Variants in CCDC192 observed in about 807,000 individuals in gnomAD.
The protein encoded by CCDC192 is coiled-coil domain containing 192, also known as coiled-coil domain-containing protein 192.
At chr5:127,786,647 A>G (rs1756556789) in intron 3 of CCDC192, 1 of 761,050 alleles carries the variant, frequency 1.3e-6, no homozygotes, top group Non-Finnish European at 2.5e-6. Context: ...CACAAATTCC[A>G]TTCAGCACTT....
At chr5:127,879,916 A>G (rs953349057) in intron 6 of CCDC192, among the ~76,000 whole-genome samples, 20 of 150,958 alleles carry the variant, frequency 1.3e-4, no homozygotes, top group African/African-American at 4.1e-4. Context: ...TAGAATGGCT[A>G]TCATTAAAAA....
chr5:127,794,388 A>G (rs1275721139), intron 3 of CCDC192, among the ~76,000 whole-genome samples: 1 of 152,172 alleles, frequency 6.6e-6, no homozygotes, highest in Non-Finnish European at 1.5e-5. Context: ...CAACTTCTTT[A>G]TCTGCAAAAT....
chr5:127,908,835 C>A (rs1043473350), intron 6 of CCDC192, among the ~76,000 whole-genome samples: 1 of 152,026 alleles, frequency 6.6e-6, no homozygotes, highest in Non-Finnish European at 1.5e-5. Flanking sequence ...TTTTTAAGCT[C>A]TATAGGGAAA....
intron 6 of CCDC192, among the ~76,000 whole-genome samples, chr5:127,896,444 T>C (rs1447404726): frequency 6.6e-6 from 1 of 151,974 alleles, no homozygotes; most frequent in East Asian, 1.9e-4. Flanking sequence ...CTTTTTTTTT[T>C]TTTCTTGAGA....
At chr5:127,796,531 A>G (rs748553247) in intron 3 of CCDC192, among the ~76,000 whole-genome samples, 1 of 152,194 alleles carries the variant, frequency 6.6e-6, no homozygotes, top group Non-Finnish European at 1.5e-5. Context: ...GAATCAACAA[A>G]CAGTCAAACA....
intron 3 of CCDC192, among the ~76,000 whole-genome samples, chr5:127,794,947 A>G (rs1398770749): frequency 2.0e-5 from 3 of 152,310 alleles, no homozygotes; most frequent in Middle Eastern, 3.4e-3. Context: ...AATTCAGGGT[A>G]TGCAGCTCAT....
intron 3 of CCDC192, among the ~76,000 whole-genome samples, chr5:127,789,924 A>G (rs1362702772): frequency 2.0e-5 from 3 of 152,222 alleles, no homozygotes; most frequent in African/African-American, 4.8e-5. Context: ...TTTGAAACCA[A>G]GATCCTCGTG....
intron 2 of CCDC192, among the ~76,000 whole-genome samples, chr5:127,716,709 A>C (rs1422210234): frequency 6.6e-6 from 1 of 152,154 alleles, no homozygotes; most frequent in Admixed American, 6.5e-5. Context: ...AATTTACCAC[A>C]ATTACCTGCC....
chr5:127,827,129 G>A (rs1366625219), intron 5 of CCDC192, among the ~76,000 whole-genome samples: 1 of 152,196 alleles, frequency 6.6e-6, no homozygotes, highest in African/African-American at 2.4e-5. Flanking sequence ...TGGTGGAAGT[G>A]AGACATTTGT....
At chr5:127,834,041 C>T (rs58888431) in intron 5 of CCDC192, among the ~76,000 whole-genome samples, 2,904 of 152,160 alleles carry the variant, frequency 0.019, 72 homozygotes, top group African/African-American at 0.067. Context: ...ACAAAAAAGC[C>T]TCTCTTCCCT....
chr5:127,783,967 G>C (rs1756391496), intron 3 of CCDC192, among the ~76,000 whole-genome samples: 1 of 151,850 alleles, frequency 6.6e-6, no homozygotes, highest in Admixed American at 6.6e-5. Flanking sequence ...GCTCATTTTT[G>C]GTGTCCATTC....
chr5:127,758,175 G>A (rs573555870), intron 3 of CCDC192, among the ~76,000 whole-genome samples: 9 of 152,276 alleles, frequency 5.9e-5, no homozygotes, highest in African/African-American at 2.2e-4. Context: ...AGAATGGAAA[G>A]TATAGGTGCC....
At chr5:127,888,390 T>A (rs948868733) in intron 6 of CCDC192, among the ~76,000 whole-genome samples, 7 of 152,036 alleles carry the variant, frequency 4.6e-5, no homozygotes, top group African/African-American at 1.4e-4. Flanking sequence ...CACTCCAGCC[T>A]TGACAACAAA....
In CCDC192 at chr5:127,928,806, C is replaced by A. The variant is rs1753936206; in HGVS notation, c.536-12376C>A. 1.3e-5 allele frequency among the ~76,000 whole-genome samples: 2 copies of A among 151,828 alleles called. 1 individual carries two copies. Among genetic ancestry groups the A allele is most frequent in the Admixed American group, 1.3e-4 (2 of 15,242 alleles). ...TTTAAGACGGAGTCTCGCTCTGTTG[C>A]CCAGGCTGGAGTGCAGTGGCATGAT... On this transcript the variant is annotated intron_variant, in intron 6 of 6. Transcript: ENST00000514853.
At chr5:127,898,404 C>T (rs245162) in intron 6 of CCDC192, among the ~76,000 whole-genome samples, 41,958 of 151,978 alleles carry the variant, frequency 0.28, 6,029 homozygotes, top group African/African-American at 0.34. Flanking sequence ...CCACTGTGCC[C>T]GGCCCAAATG....
intron 6 of CCDC192, among the ~76,000 whole-genome samples, chr5:127,917,528 A>C (rs1345832666): frequency 6.6e-6 from 1 of 152,234 alleles, no homozygotes; most frequent in Non-Finnish European, 1.5e-5. Flanking sequence ...TGAACACTTA[A>C]AAGCCATTTA....
chr5:127,732,141 A>G (rs917813149), intron 2 of CCDC192, among the ~76,000 whole-genome samples: 1 of 141,504 alleles, frequency 7.1e-6, no homozygotes, highest in African/African-American at 2.8e-5. Context: ...AGGAACTTAA[A>G]GAAATGTACA....
chr5:127,760,658 C>T (rs935402975), intron 3 of CCDC192, among the ~76,000 whole-genome samples: 4 of 143,062 alleles, frequency 2.8e-5, no homozygotes, highest in South Asian at 2.3e-4. Flanking sequence ...GCTGAGATCG[C>T]GCCACTGCAC....
At chr5:127,803,526 T>C (rs1757617995) in intron 5 of CCDC192, among the ~76,000 whole-genome samples, 1 of 152,228 alleles carries the variant, frequency 6.6e-6, no homozygotes, top group South Asian at 2.1e-4. Context: ...CAGGACTAGG[T>C]ATCTTAATAA....
Sources: gnomAD v4.1 joint callset for allele counts (sites outside exome capture counted in the v4.1 genomes callset) on GRCh38, gnomAD v4.1.1 for gene constraint, MANE v1.5 for transcripts, NCBI Gene and HGNC (gene_info 2026-07-23, HGNC 2026-07-21) for gene names.